Variants in KCNN2 observed in about 807,000 individuals in gnomAD.
KCNN2 encodes the protein potassium calcium-activated channel subfamily N member 2, also known as small conductance calcium-activated potassium channel protein 2.
In KCNN2, 24 loss-of-function variants were observed where a neutral mutation model predicts 55.5. The ratio of observed to expected loss-of-function variants is 0.43; its 90% CI spans 0.31 to 0.61. The LOEUF (loss-of-function observed/expected upper bound fraction) is 0.61, where lower values mean the gene tolerates loss of function less well. KCNN2 is among the 20% of genes least tolerant of loss of function. The pLI, the probability that KCNN2 is intolerant of heterozygous loss-of-function variation, is 0.08. For synonymous variants in KCNN2, 431 were observed against 336.1 expected (o/e 1.28, Z -3.09); for missense variants, 754 against 853.6 (o/e 0.88, Z 1.45).
intron 2 of KCNN2, among the ~76,000 whole-genome samples, chr5:114,333,369 TTCTC>T (rs1242034193): frequency 9.9e-5 from 15 of 152,230 alleles, no homozygotes; most frequent in African/African-American, 3.6e-4. Flanking sequence ...TTCTGCCGTG[TTCTC>T]TCTTATTGTT....
At chr5:114,450,725 C>T (rs1384773013) in intron 3 of KCNN2, among the ~76,000 whole-genome samples, 1 of 152,116 alleles carries the variant, frequency 6.6e-6, no homozygotes, top group African/African-American at 2.4e-5. Context: ...AGTAATACCG[C>T]CCCCAGGGGA....
chr5:114,291,796 G>A (rs1208559327), intron 2 of KCNN2, among the ~76,000 whole-genome samples: 9 of 152,114 alleles, frequency 5.9e-5, no homozygotes, highest in Non-Finnish European at 1.3e-4. Flanking sequence ...AACTAGTTTA[G>A]TGTCCCACCA....
At chr5:114,477,515 C>G (rs1284575350) in intron 5 of KCNN2, among the ~76,000 whole-genome samples, 1 of 152,002 alleles carries the variant, frequency 6.6e-6, no homozygotes, top group Non-Finnish European at 1.5e-5. Flanking sequence ...AAATGGCCGA[C>G]AGGTACATGT....
chr5:114,430,476 A>G (rs1232653582), intron 3 of KCNN2, among the ~76,000 whole-genome samples: 3 of 152,088 alleles, frequency 2.0e-5, no homozygotes, highest in African/African-American at 7.2e-5. Flanking sequence ...CAACCTTGCA[A>G]TACTTACTTA....
chr5:114,317,215 G>A (rs1756517802), intron 2 of KCNN2, among the ~76,000 whole-genome samples: 1 of 151,908 alleles, frequency 6.6e-6, no homozygotes, highest in East Asian at 1.9e-4. Flanking sequence ...TAGAGATTTG[G>A]AAGCTTATTG....
At chr5:114,436,421 T>G (rs576596312) in intron 3 of KCNN2, among the ~76,000 whole-genome samples, 1 of 152,296 alleles carries the variant, frequency 6.6e-6, no homozygotes, top group South Asian at 2.1e-4. Context: ...ATCGTAAAAT[T>G]AGAGCAACAA....
At chr5:114,309,812 G>T (rs1245879930) in intron 2 of KCNN2, among the ~76,000 whole-genome samples, 2 of 152,102 alleles carry the variant, frequency 1.3e-5, no homozygotes, top group East Asian at 3.9e-4. Flanking sequence ...AAGAAAATAT[G>T]AACAGGTACA....
At chr5:114,268,009 AC>A (rs1755245255) in intron 2 of KCNN2, among the ~76,000 whole-genome samples, 1 of 152,090 alleles carries the variant, frequency 6.6e-6, no homozygotes, top group Non-Finnish European at 1.5e-5. Context: ...GTGCCAAAAC[AC>A]CTTAAATGCC....
intron 1 of KCNN2, among the ~76,000 whole-genome samples, chr5:114,202,533 G>A (rs1753692237): frequency 7.1e-6 from 1 of 141,792 alleles, no homozygotes; most frequent in Non-Finnish European, 1.5e-5. Flanking sequence ...ATGTATATAT[G>A]CCTAGTATAT....
intron 2 of KCNN2, among the ~76,000 whole-genome samples, chr5:114,388,603 C>T (rs1758355552): frequency 6.6e-6 from 1 of 152,052 alleles, no homozygotes; most frequent in African/African-American, 2.4e-5. Flanking sequence ...TTACTTGTTT[C>T]TTTCTTTAGC....
chr5:114,193,140 C>G (rs751943744), intron 1 of KCNN2, among the ~76,000 whole-genome samples: 5 of 152,056 alleles, frequency 3.3e-5, no homozygotes, highest in Non-Finnish European at 7.4e-5. Context: ...CTTTATCTAG[C>G]GACCCTATTT....
chr5:114,340,236 G>A (rs1290244830), intron 2 of KCNN2, among the ~76,000 whole-genome samples: 3 of 152,124 alleles, frequency 2.0e-5, no homozygotes, highest in Non-Finnish European at 4.4e-5. Flanking sequence ...ATGGTCACTT[G>A]CGTAAACATG....
chr5:114,416,777 T>C (rs911751218), intron 3 of KCNN2, among the ~76,000 whole-genome samples: 3 of 152,202 alleles, frequency 2.0e-5, no homozygotes, highest in African/African-American at 4.8e-5. Flanking sequence ...TTACGGACTT[T>C]TGTATTTAAT....
At chr5:114,162,592 C>T (rs115106017) in intron 1 of KCNN2, among the ~76,000 whole-genome samples, 5,924 of 152,254 alleles carry the variant, frequency 0.039, 396 homozygotes, top group African/African-American at 0.13. Context: ...TGTGCCCTGC[C>T]GCCAGAGTTG....
chr5:114,059,838 A>G (rs573169037), intron 1 of KCNN2, among the ~76,000 whole-genome samples: 1 of 152,232 alleles, frequency 6.6e-6, no homozygotes, highest in African/African-American at 2.4e-5. Flanking sequence ...CAGGGTCACA[A>G]CTAAGAATAT....
rs796983533 is a variant in KCNN2, at chr5:114,123,605, C to T, written c.-271+67105C>T. On this transcript the variant is annotated intron_variant, in intron 1 of 10. Coordinates refer to the KCNN2 transcript ENST00000512097. ...GTCTCGATCTCCTGACCTCGTGATC[C>T]GCCCGCCTCGGCCTCCCAAAGTGCT... Among the ~76,000 whole-genome samples, 25 of 64,358 alleles carry T rather than the reference C, an allele frequency of 3.9e-4. 4 individuals are homozygous for T. The highest frequency in any genetic ancestry group is 1.2e-3 in the East Asian group (6 of 4,956). 42.2% of individuals were successfully genotyped at this position (64,358 alleles called of 152,430 possible).
chr5:114,095,430 GAGA>G (rs143917924), intron 1 of KCNN2, among the ~76,000 whole-genome samples: 9 of 152,126 alleles, frequency 5.9e-5, no homozygotes, highest in Non-Finnish European at 1.3e-4. Flanking sequence ...TGAGCCTCAG[GAGA>G]AGAAGGTAAC....
intron 1 of KCNN2, among the ~76,000 whole-genome samples, chr5:114,123,078 G>C (rs907966352): frequency 6.6e-6 from 1 of 152,160 alleles, no homozygotes. Flanking sequence ...GGTAGAAAAT[G>C]AATGATGTGA....
intron 3 of KCNN2, among the ~76,000 whole-genome samples, chr5:114,453,601 G>A (rs930256395): frequency 6.6e-6 from 1 of 152,092 alleles, no homozygotes; most frequent in Non-Finnish European, 1.5e-5. Context: ...TTCTTCCACT[G>A]TCCATATTAT....
Sources: gnomAD v4.1 joint callset for allele counts (sites outside exome capture counted in the v4.1 genomes callset) on GRCh38, gnomAD v4.1.1 for gene constraint, MANE v1.5 for transcripts, NCBI Gene and HGNC (gene_info 2026-07-23, HGNC 2026-07-21) for gene names.